Variants in HMCN2 observed in about 807,000 individuals in gnomAD.
HMCN2 encodes hemicentin 2.
In HMCN2, 325 loss-of-function variants were observed where a neutral mutation model predicts 377.5. That is an observed-to-expected ratio of 0.86 (90% CI 0.79 to 0.94). HMCN2 has a LOEUF of 0.94. Among genes scored for constraint, HMCN2 ranks in the 40% least tolerant of loss-of-function variants. HMCN2 has a pLI of 0.00. For synonymous variants in HMCN2, 2,007 were observed against 2,046.8 expected (o/e 0.98, Z 0.53); for missense variants, 4,543 against 4,725.3 (o/e 0.96, Z 1.13).
At chr9:130,333,585 C>T (rs887351035) in intron 22 of HMCN2, among the ~76,000 whole-genome samples, 8 of 152,218 alleles carry the variant, frequency 5.3e-5, no homozygotes, top group African/African-American at 1.7e-4. Flanking sequence ...GTGCACGTCG[C>T]GATGAAGTCT....
rs189402573 is a variant in HMCN2 at position 130,303,922 on chromosome 9, C to A, written c.1543+314C>A. Among the ~76,000 whole-genome samples, 5 of 152,358 alleles carry A rather than the reference C, an allele frequency of 3.3e-5. No homozygotes were observed. Among genetic ancestry groups the A allele is most frequent in the Admixed American group, 6.5e-5 (1 of 15,304 alleles). ...GCCATCCATCTCGTGGTCGGGACAA[C>A]CTTCGTGCCTCCAAGTCCCGGCCAG... On this transcript the variant is annotated intron_variant, in intron 10 of 97. Transcript: ENST00000683500. The surrounding 1 kb of genome is among the most constrained non-coding windows in gnomAD (Gnocchi z 5.2).
chr9:130,370,595 C>A (rs1840967394), intron 45 of HMCN2, among the ~76,000 whole-genome samples: 1 of 152,238 alleles, frequency 6.6e-6, no homozygotes, highest in Admixed American at 6.5e-5. Flanking sequence ...AGCTTCCACA[C>A]GTGGATTTGG....
chr9:130,393,734 C>T lies in HMCN2; in HGVS notation c.10235-8C>T. The T allele has an allele frequency of 8.1e-7, 1 of 1,232,842 alleles. No individual in the cohort carries two copies. The highest frequency in any genetic ancestry group is 1.0e-6 in the Non-Finnish European group (1 of 961,982). The allele number at this position is 1,232,842 out of a possible 1,614,324, so 76.4% of individuals were successfully genotyped here. On this transcript the variant is annotated splice_polypyrimidine_tract_variant and splice_region_variant and intron_variant, in intron 67 of 97. Transcript: ENST00000683500. The surrounding 1 kb of genome is among the most constrained non-coding windows in gnomAD (Gnocchi z 5.2). ...AATGGTTCCTGCCCACCTTTCTGCC[C>T]TCCATAGTGCCCCCTGTCCTGGAGC... is the stretch of plus-strand genomic sequence containing the variant.
chr9:130,300,626 C>T (rs537104359), intron 8 of HMCN2, among the ~76,000 whole-genome samples: 94 of 152,390 alleles, frequency 6.2e-4, no homozygotes, highest in African/African-American at 2.1e-3. Context: ...TCCTCAGAGG[C>T]TGCACTCAGA....
intron 47 of HMCN2, among the ~76,000 whole-genome samples, 194 bp downstream of exon 47, chr9:130,372,601 C>A (rs867834266): frequency 6.6e-6 from 1 of 152,122 alleles, no homozygotes; most frequent in Non-Finnish European, 1.5e-5. Context: ...GTGGTGAAAC[C>A]CTGTCTCTAT....
At position 130,369,594 on chromosome 9, in the gene HMCN2, G is replaced by A. The variant is rs376219149; in HGVS notation, c.6812G>A (p.Arg2271Gln). ...VHVPPQIAGP[R>Q]EPPTQVSVVQ... Reference sequence around the variant, plus strand: ...GTTCCCCCTCAGATTGCCGGTCCCCGGGAGCCTCCCACACAAGTCTCTGTG... The same window carrying A: ...GTTCCCCCTCAGATTGCCGGTCCCCAGGAGCCTCCCACACAAGTCTCTGTG... The change falls in exon 45 of 98, where the codon CGG (arginine) becomes CAG (glutamine). Residue 2271 changes from arginine (R) to glutamine (Q), a missense_variant. By Grantham distance (43) the Arg-to-Gln change is conservative (BLOSUM62 1). Coordinates refer to ENST00000683500, the MANE Select transcript of HMCN2 (RefSeq NM_001291815.2). The surrounding 1 kb of genome is among the most constrained non-coding windows in gnomAD (Gnocchi z 4.5). 5.5e-5 allele frequency: 54 copies of A among 985,760 alleles called. No homozygotes were observed. The East Asian group carries it at 3.3e-3, about 60-fold the overall frequency. 61.1% of individuals were successfully genotyped at this position (985,760 alleles called of 1,614,324 possible).
In HMCN2 at chr9:130,393,919, C is replaced by T. The variant is rs1278353729; in HGVS notation, c.10412C>T (p.Ala3471Val). The change falls in exon 68 of 98, where the codon GCA (alanine) becomes GTA (valine). Residue 3471 changes from alanine (A) to valine (V), a missense_variant. Around this residue, in one of 5 missense-constraint regions of HMCN2, gnomAD observed 1,073 missense variants for 1,319.5 expected, o/e 0.81. Coordinates refer to ENST00000683500, the MANE Select transcript of HMCN2 (RefSeq NM_001291815.2). This position sits in a 1 kb window ranked among gnomAD's most constrained non-coding sequence, Gnocchi z 5.2. ...CAGGGGCCCAGCCTGCAGCTGGAGG[C>T]AGTGGGAGCTGGTGACTCGGGGACC... ...LEQGPSLQLE[A>V]VGAGDSGTYS... 7.8e-6 allele frequency: 10 copies of T among 1,289,272 alleles called. No homozygotes were observed. The highest frequency in any genetic ancestry group is 1.0e-5 in the Non-Finnish European group (10 of 988,734). 79.9% of individuals were successfully genotyped at this position (1,289,272 alleles called of 1,614,324 possible). A position where few individuals can be genotyped will look rare whatever the true frequency, so the allele number is the denominator to read the frequency against.
In HMCN2 at chr9:130,394,949, G is replaced by A. The variant is rs1842527884; in HGVS notation, c.10693-78G>A. On this transcript the variant is annotated intron_variant, in intron 69 of 97. Coordinates refer to ENST00000683500, the MANE Select transcript of HMCN2 (RefSeq NM_001291815.2). This position sits in a 1 kb window ranked among gnomAD's most constrained non-coding sequence, Gnocchi z 5.1. ...GCTGAGTTTGAATCCTGGGTCCCTC[G>A]ATGCATGAGAAAGAAACCAGATTGG... is the stretch of plus-strand genomic sequence containing the variant. 5.2e-6 allele frequency: 5 copies of A among 961,128 alleles called. No homozygotes were observed. Among genetic ancestry groups the A allele is most frequent in the East Asian group, 1.2e-4 (2 of 16,016 alleles). 59.5% of individuals were successfully genotyped at this position (961,128 alleles called of 1,614,324 possible). A position where few individuals can be genotyped will look rare whatever the true frequency, so the allele number is the denominator to read the frequency against.
In HMCN2 at chr9:130,433,718, C is replaced by G; in HGVS notation, c.*25C>G. On this transcript the variant is annotated 3_prime_UTR_variant, in exon 98 of 98. Coordinates refer to ENST00000683500, the MANE Select transcript of HMCN2 (RefSeq NM_001291815.2). Reference sequence around the variant, plus strand: ...AACGGGAGAGGGCATTGGCGGCCGCCCTGGCGTGACCCCCGAGGAAGGGGT... The same window carrying G: ...AACGGGAGAGGGCATTGGCGGCCGCGCTGGCGTGACCCCCGAGGAAGGGGT... 7.1e-7 allele frequency: 1 copy of G among 1,416,512 alleles called. No individual in the cohort carries two copies. The highest frequency in any genetic ancestry group is 9.2e-7 in the Non-Finnish European group (1 of 1,083,468). 87.7% of individuals were successfully genotyped at this position (1,416,512 alleles called of 1,614,324 possible).
chr9:130,312,397 C>T (rs2131370715), intron 15 of HMCN2, among the ~76,000 whole-genome samples: 1 of 151,726 alleles, frequency 6.6e-6, no homozygotes, highest in African/African-American at 2.4e-5. Context: ...GAGGGTGTAC[C>T]TTGTGTTGTG....
At chr9:130,432,942 A>C (rs929644976) in intron 97 of HMCN2, 3 of 344,098 alleles carry the variant, frequency 8.7e-6, no homozygotes, top group Non-Finnish European at 1.6e-5. Context: ...CAGGCCTTAC[A>C]ACTAGAAACG....
At chr9:130,425,974 C>G (rs760029173) in intron 90 of HMCN2, 50 bp downstream of exon 90, 3 of 1,362,050 alleles carry the variant, frequency 2.2e-6, no homozygotes, top group Non-Finnish European at 3.0e-6. Flanking sequence ...CTAAAACCTG[C>G]CAGGGGGCCC....
intron 7 of HMCN2, 140 bp downstream of exon 7, chr9:130,296,934 G>C (rs1166856924): frequency 2.7e-6 from 1 of 374,898 alleles, no homozygotes; most frequent in Non-Finnish European, 5.4e-6. Context: ...GGCCAAGTGG[G>C]ACTGTGCTCC....
intron 80 of HMCN2, among the ~76,000 whole-genome samples, chr9:130,404,634 T>C (rs556127623): frequency 1.8e-4 from 28 of 152,060 alleles, no homozygotes; most frequent in African/African-American, 6.3e-4. Context: ...TGCATGCATG[T>C]GTGTGTGTGT....
chr9:130,390,416 G>A (rs1346837777), intron 62 of HMCN2, among the ~76,000 whole-genome samples: 4 of 152,226 alleles, frequency 2.6e-5, no homozygotes, highest in Non-Finnish European at 5.9e-5. Context: ...GCTGGACATG[G>A]GGCAGTTGCT....
chr9:130,423,926 A>G lies in HMCN2; in HGVS notation c.13382-850A>G, dbSNP rs1844163661. ...GCTCCGTGGTGACCCGGGGCCCTCA[A>G]TCGGTATTTGTTGAACTGAGTTAAA... On this transcript the variant is annotated intron_variant, in intron 87 of 97. Coordinates refer to ENST00000683500, the MANE Select transcript of HMCN2 (RefSeq NM_001291815.2). The surrounding 1 kb of genome is among the most constrained non-coding windows in gnomAD (Gnocchi z 5.5). Among the ~76,000 whole-genome samples the G allele has an allele frequency of 6.6e-6, 1 of 152,120 alleles. No individual in the cohort carries two copies. The highest frequency in any genetic ancestry group is 1.5e-5 in the Non-Finnish European group (1 of 68,014).
intron 29 of HMCN2, among the ~76,000 whole-genome samples, chr9:130,350,388 C>CA (rs1187309511): frequency 0.015 from 1,343 of 89,690 alleles, 49 homozygotes; most frequent in African/African-American, 0.046. Context: ...CAAAAAAATA[C>CA]AAAAAAAAAA....
chr9:130,284,336 G>GCTGCTGTCCAGAA (rs1835300709), intron 1 of HMCN2, among the ~76,000 whole-genome samples: 19 of 152,204 alleles, frequency 1.2e-4, no homozygotes, highest in Admixed American at 1.2e-3. Flanking sequence ...GCTGTCCGGA[G>GCTGCTGTCCAGAA]GGAGGAGCTG....
At position 130,431,117 on chromosome 9, in the gene HMCN2, C is replaced by T. The variant is rs551018684; in HGVS notation, c.14648-250C>T. 5 of 569,642 alleles carry T rather than the reference C, an allele frequency of 8.8e-6. No homozygotes were observed. The South Asian group carries it at 1.1e-4, about 12-fold the overall frequency. 35.3% of individuals were successfully genotyped at this position (569,642 alleles called of 1,614,324 possible). On this transcript the variant is annotated intron_variant, in intron 95 of 97. Coordinates refer to ENST00000683500, the MANE Select transcript of HMCN2 (RefSeq NM_001291815.2). ...GGCATTCCCGCCTGGACGGAGGGGT[C>T]TGCGGGGTGGTGCTGCTTGCTCCTT...
Sources: gnomAD v4.1 joint callset for allele counts (sites outside exome capture counted in the v4.1 genomes callset) on GRCh38, gnomAD v4.1.1 for gene constraint, gnomAD v4.1.1 regional missense constraint, Gnocchi (gnomAD v3.1) non-coding constraint, MANE v1.5 for transcripts, NCBI Gene and HGNC (gene_info 2026-07-23, HGNC 2026-07-21) for gene names.